The following CAST variants were observed in gnomAD, a reference collection of about 807,000 sequenced individuals.
CAST encodes the protein calpastatin, also known as MIR583 host.
A neutral mutation model predicts 119.6 loss-of-function variants in CAST; 76 were observed. The observed-to-expected ratio is 0.64, with a 90% confidence interval of 0.53 to 0.77. CAST has a LOEUF of 0.77. CAST is among the 30% of genes least tolerant of loss of function. The pLI is 0.00. For missense variants in CAST, 953 were observed against 946.5 expected (o/e 1.01, Z -0.09); for synonymous variants, 319 against 331.6 (o/e 0.96, Z 0.41).
chr5:96,370,136 T>G, the CAST span, among the ~76,000 whole-genome samples: 1 of 151,318 alleles, frequency 6.6e-6, no homozygotes, highest in Admixed American at 6.6e-5. Context: ...ATTAATATAT[T>G]TTATAGTTTA....
At chr5:96,044,174 C>T in the CAST span, among the ~76,000 whole-genome samples, 1 of 152,182 alleles carries the variant, frequency 6.6e-6, no homozygotes, top group African/African-American at 2.4e-5. Context: ...TTGGGAAAAT[C>T]GTTCAGCAGT....
At chr5:96,326,590 C>T in the CAST span, among the ~76,000 whole-genome samples, 8 of 151,886 alleles carry the variant, frequency 5.3e-5, no homozygotes, top group South Asian at 8.3e-4. Flanking sequence ...TTAATTTGTA[C>T]GTACCTCATT....
the CAST span, among the ~76,000 whole-genome samples, chr5:96,373,772 G>A: frequency 1.3e-5 from 2 of 151,646 alleles, no homozygotes; most frequent in African/African-American, 4.9e-5. Flanking sequence ...TTAAGACAGG[G>A]TCTCAATGTG....
intron 4 of CAST, among the ~76,000 whole-genome samples, chr5:96,724,789 C>T (rs1758956553): frequency 6.6e-6 from 1 of 151,822 alleles, no homozygotes. Flanking sequence ...CACCACTGCA[C>T]TCCAGCCCAG....
At chr5:96,273,700 A>C in the CAST span, among the ~76,000 whole-genome samples, 1 of 152,180 alleles carries the variant, frequency 6.6e-6, no homozygotes, top group East Asian at 1.9e-4. Context: ...TTTAATGAAA[A>C]TATCTAATTC....
At chr5:96,711,310 C>T (rs549128657) in intron 3 of CAST, among the ~76,000 whole-genome samples, 82 of 151,936 alleles carry the variant, frequency 5.4e-4, no homozygotes, top group South Asian at 3.1e-3. Context: ...CAATATAAAA[C>T]AAAGAAAAAG....
chr5:96,204,922 T>C, the CAST span, among the ~76,000 whole-genome samples: 237 of 152,234 alleles, frequency 1.6e-3, 4 homozygotes, highest in Admixed American at 2.9e-3. Flanking sequence ...CTCAATAGCA[T>C]CATGAGTATG....
intron 1 of CAST, among the ~76,000 whole-genome samples, chr5:96,614,312 T>A (rs1747415734): frequency 6.6e-6 from 1 of 152,186 alleles, no homozygotes; most frequent in Non-Finnish European, 1.5e-5. Context: ...TGAATCAGAA[T>A]CAGGGCCTTT....
intron 1 of CAST, among the ~76,000 whole-genome samples, chr5:96,556,105 G>A (rs1746233025): frequency 6.6e-6 from 1 of 152,212 alleles, no homozygotes. Context: ...AACAGGGTCT[G>A]GAGTGGACCT....
chr5:96,549,769 C>T (rs1746091248), intron 1 of CAST, among the ~76,000 whole-genome samples: 1 of 152,222 alleles, frequency 6.6e-6, no homozygotes, highest in African/African-American at 2.4e-5. Context: ...AGGTCCCATA[C>T]CCATGGAGCC....
chr5:96,709,283 C>A (rs577900684), intron 3 of CAST, among the ~76,000 whole-genome samples: 46 of 152,318 alleles, frequency 3.0e-4, no homozygotes, highest in Non-Finnish European at 1.5e-5. Flanking sequence ...TGGTTTTAAG[C>A]TAGTAACTCA....
chr5:96,049,914 A>AAG, the CAST span, among the ~76,000 whole-genome samples: 42 of 147,544 alleles, frequency 2.8e-4, no homozygotes, highest in Admixed American at 6.8e-4. Flanking sequence ...AAAAAAAAAA[A>AAG]AAAGAAAAAG....
intron 1 of CAST, among the ~76,000 whole-genome samples, chr5:96,606,063 T>TG (rs1561428326): frequency 6.6e-6 from 1 of 152,074 alleles, no homozygotes. Context: ...GAGAGAGTTG[T>TG]GGGGTAATAG....
At chr5:96,433,790 C>T in the CAST span, among the ~76,000 whole-genome samples, 496 of 152,274 alleles carry the variant, frequency 3.3e-3, 2 homozygotes, top group African/African-American at 0.011. Context: ...TAAAGCAATA[C>T]TATTAAAAAT....
At chr5:96,593,008 G>A (rs166356) in intron 1 of CAST, among the ~76,000 whole-genome samples, 63,868 of 151,902 alleles carry the variant, frequency 0.42, 13,689 homozygotes, top group Admixed American at 0.48. Flanking sequence ...CTCGTGATCC[G>A]CCCGCCTCGG....
chr5:96,278,515 T>A, the CAST span: 2 of 152,226 alleles, frequency 1.3e-5, no homozygotes, highest in Non-Finnish European at 2.9e-5. Flanking sequence ...TACATGCAGC[T>A]GGAATTTCTA....
chr5:96,109,052 T>C, the CAST span, among the ~76,000 whole-genome samples: 6,120 of 152,326 alleles, frequency 0.04, 344 homozygotes, highest in African/African-American at 0.13. Context: ...TTGCGCTTTC[T>C]GAGTGAGGCA....
At chr5:96,111,663 A>G in the CAST span, among the ~76,000 whole-genome samples, 1 of 152,226 alleles carries the variant, frequency 6.6e-6, no homozygotes, top group Non-Finnish European at 1.5e-5. Context: ...GCTTTGTGCC[A>G]GGAACTGGGG....
the CAST span, among the ~76,000 whole-genome samples, chr5:96,178,711 G>T: frequency 6.6e-6 from 1 of 152,154 alleles, no homozygotes; most frequent in Non-Finnish European, 1.5e-5. Context: ...CAATCTGAAG[G>T]GGAGGTTTTT....
Sources: gnomAD v4.1 joint callset for allele counts (sites outside exome capture counted in the v4.1 genomes callset) on GRCh38, gnomAD v4.1.1 for gene constraint, MANE v1.5 for transcripts, NCBI Gene and HGNC (gene_info 2026-07-23, HGNC 2026-07-21) for gene names.